The following RAD54B variants were observed in gnomAD, a reference collection of about 807,000 sequenced individuals.
RAD54B encodes RAD54 homolog B.
In RAD54B, 78 loss-of-function variants were observed where a neutral mutation model predicts 95.8. That is an observed-to-expected ratio of 0.81 (90% CI 0.68 to 0.98). The LOEUF is 0.98. Ranked by LOEUF, RAD54B falls within the 50% of genes least tolerant of loss-of-function variation. The pLI, the probability that RAD54B is intolerant of heterozygous loss-of-function variation, is 0.00. For synonymous variants in RAD54B, 328 were observed against 354.9 expected (o/e 0.92, Z 0.85); for missense variants, 957 against 1,056.6 (o/e 0.91, Z 1.31).
intron 3 of RAD54B, chr8:94,432,009 GT>G: frequency 7.6e-7 from 1 of 1,310,406 alleles, no homozygotes; most frequent in Non-Finnish European, 9.7e-7. Flanking sequence ...TATCTAAAAA[GT>G]TTTTCCATAA....
chr8:94,463,378 G>A (rs1042072272), intron 2 of RAD54B, among the ~76,000 whole-genome samples: 1 of 151,790 alleles, frequency 6.6e-6, no homozygotes, highest in Non-Finnish European at 1.5e-5. Context: ...AAACCACAAT[G>A]AGGTACTACT....
intron 3 of RAD54B, among the ~76,000 whole-genome samples, chr8:94,443,153 C>T (rs1391085757): frequency 6.6e-6 from 1 of 152,170 alleles, no homozygotes; most frequent in Non-Finnish European, 1.5e-5. Context: ...ATCACTCCTT[C>T]GATCATGTCT....
At chr8:94,422,752 T>TTATATATATATATATA (rs369490267) in intron 3 of RAD54B, among the ~76,000 whole-genome samples, 51 of 125,394 alleles carry the variant, frequency 4.1e-4, no homozygotes, top group African/African-American at 1.4e-3. Context: ...CCACAAAAAA[T>TTATATATATATATATA]TATATATATA....
intron 9 of RAD54B, 48 bp downstream of exon 9, chr8:94,393,695 C>T: frequency 1.4e-6 from 2 of 1,470,168 alleles, no homozygotes; most frequent in Non-Finnish European, 9.3e-7. Flanking sequence ...GGATGATTTC[C>T]TCAGACATAC....
chr8:94,416,240 ATCATT>A (rs1291990241), intron 3 of RAD54B, among the ~76,000 whole-genome samples: 1 of 151,574 alleles, frequency 6.6e-6, no homozygotes, highest in African/African-American at 2.4e-5. Flanking sequence ...ATTGGAAATC[ATCATT>A]CTCAGTAAAC....
At chr8:94,387,222 T>C (rs1810910930) in intron 10 of RAD54B, 63 bp from the exon 11 acceptor site, 1 of 1,359,652 alleles carries the variant, frequency 7.4e-7, no homozygotes, top group South Asian at 1.5e-5. Context: ...GAGGGGAAAA[T>C]GCTAAAATTA....
chr8:94,407,472 T>A lies in RAD54B; in HGVS notation c.748A>T (p.Asn250Tyr). ...SKENRQNDFQ[N>Y]CKPRHDPYTP... ...TATGGGTCATGGCGTGGTTTGCAAT[T>A]TTGGAAATCATTCTGTCTATTTTCC... Residue 250 changes from asparagine (N) to tyrosine (Y), a missense_variant, in exon 5 of 15, where the codon AAT (asparagine) becomes TAT (tyrosine). Coordinates refer to ENST00000336148, the MANE Select transcript of RAD54B (RefSeq NM_012415.3). 1 of 1,613,732 alleles carries A rather than the reference T, an allele frequency of 6.2e-7. No homozygotes were observed. The highest frequency in any genetic ancestry group is 8.5e-7 in the Non-Finnish European group (1 of 1,179,700).
intron 3 of RAD54B, among the ~76,000 whole-genome samples, chr8:94,425,869 T>C (rs1344921299): frequency 6.6e-6 from 1 of 151,810 alleles, no homozygotes; most frequent in Admixed American, 6.6e-5. Context: ...AAATTACCTG[T>C]CCAACATTTT....
chr8:94,376,691 T>C (rs1810580324), intron 14 of RAD54B, among the ~76,000 whole-genome samples: 1 of 149,058 alleles, frequency 6.7e-6, no homozygotes, highest in African/African-American at 2.4e-5. Context: ...TTATATATTG[T>C]TATAATTATA....
At chr8:94,457,465 G>A (rs2043987) in intron 3 of RAD54B, among the ~76,000 whole-genome samples, 3 of 151,930 alleles carry the variant, frequency 2.0e-5, no homozygotes, top group Non-Finnish European at 4.4e-5. Context: ...CTTTCTGTCC[G>A]GACAAGATAC....
rs1038648541 is a variant in RAD54B, at chr8:94,431,360, G to A, written c.305-20045C>T. ...TATCTATTTTGCTGGAACAAAAATA[G>A]AGAGAGAATGGGGGTAATTGATGTA... is the stretch of plus-strand genomic sequence containing the variant. On this transcript the variant is annotated intron_variant, in intron 3 of 14. Transcript: ENST00000336148. The A allele has an allele frequency of 5.1e-6, 5 of 984,538 alleles. No homozygotes were observed. In the South Asian group the frequency reaches 1.4e-4, roughly 28 times the overall value. The allele number at this position is 984,538 out of a possible 1,614,324, so 61.0% of individuals were successfully genotyped here.
intron 2 of RAD54B, among the ~76,000 whole-genome samples, chr8:94,466,689 G>A (rs1473569974): frequency 6.6e-6 from 1 of 152,128 alleles, no homozygotes; most frequent in Non-Finnish European, 1.5e-5. Flanking sequence ...TTACAGGCGT[G>A]AGCCACTGCA....
At chr8:94,390,663 AAT>A (rs148249076) in intron 10 of RAD54B, among the ~76,000 whole-genome samples, 56,943 of 148,962 alleles carry the variant, frequency 0.38, 11,047 homozygotes, top group Admixed American at 0.5. Flanking sequence ...TGGGGATGGT[AAT>A]ACTAGTACTT....
intron 14 of RAD54B, among the ~76,000 whole-genome samples, chr8:94,374,046 A>G (rs553118362): frequency 2.0e-4 from 31 of 152,244 alleles, no homozygotes; most frequent in East Asian, 1.9e-3. Context: ...TCGGGAGGCC[A>G]AGGCGGGCAG....
intron 3 of RAD54B, among the ~76,000 whole-genome samples, chr8:94,443,184 G>A (rs1812441484): frequency 6.6e-6 from 1 of 152,116 alleles, no homozygotes; most frequent in Non-Finnish European, 1.5e-5. Flanking sequence ...CATGAATGGA[G>A]GTGGAAGCCA....
intron 3 of RAD54B, among the ~76,000 whole-genome samples, chr8:94,433,875 C>G (rs947860293): frequency 6.6e-6 from 1 of 151,572 alleles, no homozygotes; most frequent in Non-Finnish European, 1.5e-5. Flanking sequence ...AATGCTGGAA[C>G]AAGTTCAAGC....
chr8:94,394,385 G>C (rs76879904), intron 8 of RAD54B, among the ~76,000 whole-genome samples: 18 of 148,452 alleles, frequency 1.2e-4, no homozygotes, highest in Non-Finnish European at 1.6e-4. Flanking sequence ...TGGACAAACT[G>C]CTTAAGTCCT....
At chr8:94,412,422 A>G (rs1161125695) in intron 3 of RAD54B, among the ~76,000 whole-genome samples, 1 of 151,800 alleles carries the variant, frequency 6.6e-6, no homozygotes, top group African/African-American at 2.4e-5. Flanking sequence ...GGATCATATG[A>G]TATGTTACTT....
At chr8:94,395,223 G>A (rs537358643) in intron 8 of RAD54B, among the ~76,000 whole-genome samples, 11 of 152,222 alleles carry the variant, frequency 7.2e-5, no homozygotes, top group East Asian at 1.9e-4. Context: ...CTCATACTGC[G>A]TTCACTGGAA....
Sources: gnomAD v4.1 joint callset for allele counts (sites outside exome capture counted in the v4.1 genomes callset) on GRCh38, gnomAD v4.1.1 for gene constraint, MANE v1.5 for transcripts, NCBI Gene and HGNC (gene_info 2026-07-23, HGNC 2026-07-21) for gene names.